The following IFI44 variants were observed in gnomAD, a reference collection of about 807,000 sequenced individuals.
IFI44 encodes interferon induced protein 44, also known as interferon-induced protein 44.
A neutral mutation model predicts 45.0 loss-of-function variants in IFI44; 42 were observed. That is an observed-to-expected ratio of 0.93 (90% CI 0.73 to 1.21). The LOEUF (loss-of-function observed/expected upper bound fraction) is 1.21. Among genes scored for constraint, IFI44 ranks in the 50% most tolerant of loss-of-function variants. IFI44 has a pLI of 0.00. For missense variants in IFI44, 623 were observed against 525.8 expected (o/e 1.18, Z -1.81); for synonymous variants, 221 against 188.6 (o/e 1.17, Z -1.41).
Position 78,663,874 on chromosome 1 carries a change from AAC to A in IFI44, c.*67_*68del. On this transcript the variant is annotated 3_prime_UTR_variant, in exon 9 of 9. Transcript: ENST00000370747. ...GAAGATTAAAATTCAGAAAGGAGAA[AAC>A]ACAGACCAAAGAGAAGTATCTAAGA... is the stretch of plus-strand genomic sequence containing the variant. The A allele has an allele frequency of 5.3e-6, 8 of 1,514,070 alleles. No individual in the cohort carries two copies. The highest frequency in any genetic ancestry group is 7.2e-6 in the Non-Finnish European group (8 of 1,105,866). The allele number at this position is 1,514,070 out of a possible 1,614,324, so 93.8% of individuals were successfully genotyped here.
chr1:78,652,610 A>G (rs1177607336), intron 2 of IFI44, among the ~76,000 whole-genome samples: 1 of 152,088 alleles, frequency 6.6e-6, no homozygotes, highest in African/African-American at 2.4e-5. Context: ...TTTAGCTCCT[A>G]CCTTCCTAGT....
intron 2 of IFI44, among the ~76,000 whole-genome samples, chr1:78,653,091 CA>C (rs1647149581): frequency 2.0e-5 from 3 of 151,626 alleles, no homozygotes; most frequent in Non-Finnish European, 4.4e-5. Flanking sequence ...TTAAAATAAT[CA>C]ATTACTATAT....
At chr1:78,654,976 A>G in intron 3 of IFI44, 38 bp from the exon 4 acceptor site, 1 of 1,450,456 alleles carries the variant, frequency 6.9e-7, no homozygotes, top group Non-Finnish European at 9.2e-7. Flanking sequence ...TTGCGACCTA[A>G]CCTCAGTCAA....
chr1:78,656,811 T>G (rs1259312909), intron 5 of IFI44, among the ~76,000 whole-genome samples: 1 of 151,054 alleles, frequency 6.6e-6, no homozygotes, highest in Non-Finnish European at 1.5e-5. Context: ...TTTCTATTCA[T>G]GCAAGATTTT....
At chr1:78,660,963 A>G (rs1029319361) in intron 7 of IFI44, among the ~76,000 whole-genome samples, 5 of 152,212 alleles carry the variant, frequency 3.3e-5, no homozygotes, top group African/African-American at 1.2e-4. Flanking sequence ...TACTTATAAT[A>G]CCTAACCCAA....
intron 5 of IFI44, among the ~76,000 whole-genome samples, chr1:78,656,885 A>G (rs1393720554): frequency 6.6e-6 from 1 of 151,672 alleles, no homozygotes; most frequent in Non-Finnish European, 1.5e-5. Context: ...TTTTTTAAAT[A>G]CAAACTTTTT....
In IFI44 at chr1:78,650,402, C is replaced by A. The variant is rs1647103141; in HGVS notation, c.207C>A (p.Tyr69Ter). 1.2e-6 allele frequency: 2 copies of A among 1,613,826 alleles called. No individual in the cohort carries two copies. The highest frequency in any genetic ancestry group is 1.7e-6 in the Non-Finnish European group (2 of 1,179,798). Residue 69 changes from tyrosine to a stop codon, truncating the protein, a stop_gained, in exon 2 of 9, where the codon TAC becomes TAA. Transcript: ENST00000370747. LOFTEE classifies it high-confidence loss of function. ...HIIGAYAEES[Y>*]QEGKYASIIL... ...TTGGAGCATATGCAGAAGAGAGTTA[C>A]CAGGAAGGAAAGTATGCTTCCATCA...
intron 5 of IFI44, among the ~76,000 whole-genome samples, chr1:78,656,982 G>A (rs895564503): frequency 6.6e-5 from 10 of 150,900 alleles, no homozygotes; most frequent in African/African-American, 1.2e-4. Flanking sequence ...AGCCAATCTC[G>A]TTTTATCTAT....
intron 8 of IFI44, 133 bp downstream of exon 8, chr1:78,663,011 C>T (rs1647556844): frequency 6.5e-7 from 1 of 1,540,946 alleles, no homozygotes; most frequent in Non-Finnish European, 8.7e-7. Context: ...TGCTTTTTAA[C>T]CCACTCCCTG....
In IFI44 at chr1:78,660,634, T is replaced by G. The variant is rs536959448; in HGVS notation, c.1093T>G (p.Cys365Gly). 4 of 1,611,548 alleles carry G rather than the reference T, an allele frequency of 2.5e-6. No homozygotes were observed. In the South Asian group the frequency reaches 4.4e-5, roughly 18 times the overall value. The change falls in exon 7 of 9, where the codon TGT becomes GGT. Residue 365 changes from cysteine to glycine, a missense_variant. Transcript: ENST00000370747. ...AGGTGACCTTATAGAAATAGAGAGA[T>G]GTGAGCCTGTGAGGTCCAAGGTAAT... ...TKGDLIEIER[C>G]EPVRSKLEEV...
At chr1:78,657,637 C>A (rs966201826) in intron 5 of IFI44, among the ~76,000 whole-genome samples, 3 of 152,130 alleles carry the variant, frequency 2.0e-5, no homozygotes, top group African/African-American at 7.2e-5. Context: ...GAAGCTTACC[C>A]TCATCCATTC....
In IFI44 at chr1:78,650,522, C is replaced by A. The variant is rs144790373; in HGVS notation, c.327C>A (p.Asn109Lys). 6.2e-7 allele frequency: 1 copy of A among 1,613,580 alleles called. No homozygotes were observed. Among genetic ancestry groups the A allele is most frequent in the Middle Eastern group, 1.7e-4 (1 of 6,056 alleles). Residue 109 changes from asparagine (N) to lysine (K), a missense_variant, in exon 2 of 9, where the codon AAC (asparagine) becomes AAA (lysine). Asn to Lys is a moderately conservative substitution (Grantham distance 94). Coordinates refer to ENST00000370747, the MANE Select transcript of IFI44 (RefSeq NM_006417.5). ...TLFCCDVTKYNSPTNFQIDGR... is the reference protein window; with the variant it reads ...TLFCCDVTKYKSPTNFQIDGR... ...TTTGTTGTGATGTTACAAAATATAA[C>A]TCCCCAACTAATTTCCAGATAGATG...
chr1:78,659,077 T>TA (rs1647307295), intron 5 of IFI44, among the ~76,000 whole-genome samples: 1 of 152,092 alleles, frequency 6.6e-6, no homozygotes, highest in African/African-American at 2.4e-5. Context: ...TCACTCCTGC[T>TA]ATTTTAGCTC....
chr1:78,653,773 G>A (rs529591784), intron 2 of IFI44, among the ~76,000 whole-genome samples: 1 of 152,284 alleles, frequency 6.6e-6, no homozygotes, highest in South Asian at 2.1e-4. Flanking sequence ...ATAGCAGGTT[G>A]TAGAGAAAAT....
chr1:78,654,876 C>T (rs535980391), intron 3 of IFI44, 138 bp from the exon 4 acceptor site: 16 of 587,112 alleles, frequency 2.7e-5, no homozygotes, highest in Non-Finnish European at 4.1e-5. Flanking sequence ...CAGGTAGGTT[C>T]GTCTCATGTC....
rs1157050073 is a variant in IFI44 at position 78,650,219 on chromosome 1, A to G, written c.24A>G (p.Thr8=). 4 of 1,605,430 alleles carry G rather than the reference A, an allele frequency of 2.5e-6. No homozygotes were observed. The highest frequency in any genetic ancestry group is 1.3e-5 in the African/African-American group (1 of 74,896). The change falls in exon 2 of 9, where the codon ACA becomes ACG. Residue 8 remains threonine, a synonymous_variant. Coordinates refer to ENST00000370747, the MANE Select transcript of IFI44 (RefSeq NM_006417.5). Reference sequence around the variant, plus strand: ...GTATGGCAGTGACAACTCGTTTGACATGGTTGCACGAAAAGATCCTGCAAA... The same window carrying G: ...GTATGGCAGTGACAACTCGTTTGACGTGGTTGCACGAAAAGATCCTGCAAA... The part of the protein sequence containing the change: MAVTTRL[T]WLHEKILQNH...
At chr1:78,654,175 T>C in intron 2 of IFI44, 68 bp from the exon 3 acceptor site, 1 of 825,790 alleles carries the variant, frequency 1.2e-6, no homozygotes, top group South Asian at 1.4e-5. Flanking sequence ...TTCACTGATA[T>C]TCATTCATTC....
chr1:78,660,475 C>T, intron 6 of IFI44, 79 bp from the exon 7 acceptor site: 1 of 1,037,802 alleles, frequency 9.6e-7, no homozygotes. Flanking sequence ...CATAGGTTGC[C>T]TATTACATAA....
intron 7 of IFI44, 129 bp downstream of exon 7, chr1:78,660,783 C>A: frequency 1.4e-6 from 1 of 711,314 alleles, no homozygotes. Flanking sequence ...TTAAATAGGG[C>A]CCGTTTCCCA....
Sources: allele counts gnomAD v4.1 joint callset (sites outside exome capture counted in the v4.1 genomes callset), GRCh38; gene constraint gnomAD v4.1.1; transcripts MANE v1.5; gene names NCBI Gene and HGNC (gene_info 2026-07-23, HGNC 2026-07-21).